Variants in SPOP observed in about 807,000 individuals in gnomAD.
SPOP encodes speckle type BTB/POZ protein.
A neutral mutation model predicts 45.6 loss-of-function variants in SPOP; 11 were observed. The observed-to-expected ratio is 0.24, with a 90% CI of 0.15 to 0.40. The LOEUF is 0.40. Ranked by LOEUF, SPOP falls within the 10% of genes least tolerant of loss-of-function variation. The probability of loss-of-function intolerance (pLI) is 1.00; values close to 1 mark genes in which losing one functional copy is unlikely to be tolerated. For missense variants in SPOP, 152 were observed against 465.6 expected (o/e 0.33, Z 6.20); for synonymous variants, 166 against 166.3 (o/e 1.00, Z 0.01).
At chr17:49,613,130 C>T (rs1414010955) in intron 5 of SPOP, among the ~76,000 whole-genome samples, 1 of 152,124 alleles carries the variant, frequency 6.6e-6, no homozygotes, top group African/African-American at 2.4e-5. Flanking sequence ...ACAAACCATC[C>T]CATAGAGATT....
chr17:49,604,937 G>A lies in SPOP; in HGVS notation c.837+2313C>T, dbSNP rs192881278. On this transcript the variant is annotated intron_variant, in intron 8 of 9. Coordinates refer to ENST00000504102, the MANE Select transcript of SPOP (RefSeq NM_001007228.2). Reference sequence around the variant, plus strand: ...AGAAATGCTGTCTATCATAATTCCTGTTAGAAAATTCACAGTAACATTAAT... The same window carrying A: ...AGAAATGCTGTCTATCATAATTCCTATTAGAAAATTCACAGTAACATTAAT... Among the ~76,000 whole-genome samples the A allele has an allele frequency of 1.5e-4, 23 of 152,330 alleles. No homozygotes were observed. The East Asian group carries it at 3.5e-3, about 23-fold the overall frequency.
chr17:49,674,735 A>G (rs772284822), intron 1 of SPOP, among the ~76,000 whole-genome samples: 1 of 152,250 alleles, frequency 6.6e-6, no homozygotes, highest in Non-Finnish European at 1.5e-5. Flanking sequence ...AGGTTTACAG[A>G]ATACTAACAG....
chr17:49,618,828 C>G (rs536542820), intron 5 of SPOP, among the ~76,000 whole-genome samples, 153 bp downstream of exon 5: 1 of 152,282 alleles, frequency 6.6e-6, no homozygotes, highest in Admixed American at 6.5e-5. Flanking sequence ...TTGAAATCAT[C>G]AGGTAGCTCA....
At chr17:49,667,018 A>C (rs1490704502) in intron 1 of SPOP, among the ~76,000 whole-genome samples, 1 of 151,738 alleles carries the variant, frequency 6.6e-6, no homozygotes, top group Non-Finnish European at 1.5e-5. Context: ...ATCCTAGTAA[A>C]AACACAAAAA....
chr17:49,622,112 C>T (rs199530675), intron 2 of SPOP, 45 bp from the exon 3 acceptor site: 178 of 1,601,544 alleles, frequency 1.1e-4, no homozygotes, highest in Middle Eastern at 6.7e-4. Flanking sequence ...AAGTGGACAA[C>T]CTGAAAAAAC....
At chr17:49,610,089 T>C (rs1597910349) in intron 6 of SPOP, among the ~76,000 whole-genome samples, 1 of 151,416 alleles carries the variant, frequency 6.6e-6, no homozygotes, top group Non-Finnish European at 1.5e-5. Context: ...AGTTAAAGAG[T>C]GGTTAAGGTT....
In SPOP at chr17:49,678,076, G is replaced by A. The variant is rs1390955610; in HGVS notation, c.-210C>T. On this transcript the variant is annotated 5_prime_UTR_variant, in exon 1 of 10. Transcript: ENST00000504102. ...ACACTCACACACACACATACACACCGACACACACCAGCCGGGGCGTCATGG... is the reference window on the plus strand; with the variant it reads ...ACACTCACACACACACATACACACCAACACACACCAGCCGGGGCGTCATGG... 3 of 398,092 alleles carry A rather than the reference G, an allele frequency of 7.5e-6. No homozygotes were observed. Among genetic ancestry groups the A allele is most frequent in the Non-Finnish European group, 1.3e-5 (3 of 225,962 alleles). 24.7% of individuals were successfully genotyped at this position (398,092 alleles called of 1,614,324 possible). A position where few individuals can be genotyped will look rare whatever the true frequency, so the allele number is the denominator to read the frequency against.
Position 49,619,467 on chromosome 17 carries a change from G to A in SPOP, c.201-82C>T. On this transcript the variant is annotated intron_variant, in intron 3 of 9. Coordinates refer to ENST00000504102, the MANE Select transcript of SPOP (RefSeq NM_001007228.2). The surrounding 1 kb of genome is among the most constrained non-coding windows in gnomAD (Gnocchi z 4.9). ...GAAATCAGACTCAAGAGAGGGAGATGTTTAAAAAACAAATGCAGGCCCCAT... is the reference window on the plus strand; with the variant it reads ...GAAATCAGACTCAAGAGAGGGAGATATTTAAAAAACAAATGCAGGCCCCAT... 6.9e-7 allele frequency: 1 copy of A among 1,456,910 alleles called. No homozygotes were observed. The highest frequency in any genetic ancestry group is 9.2e-7 in the Non-Finnish European group (1 of 1,090,572). 90.2% of individuals were successfully genotyped at this position (1,456,910 alleles called of 1,614,324 possible).
At chr17:49,618,705 C>A in intron 5 of SPOP, 1 of 488,442 alleles carries the variant, frequency 2.0e-6, no homozygotes. Context: ...AAAAATCCCA[C>A]AGTGAAAACT....
At chr17:49,601,559 C>G in intron 9 of SPOP, 1 of 229,892 alleles carries the variant, frequency 4.3e-6, no homozygotes, top group South Asian at 8.4e-5. Context: ...ATCTACATGT[C>G]TTTTATTAAG....
At position 49,622,728 on chromosome 17, in the gene SPOP, C is replaced by A. The variant is rs200663825; in HGVS notation, c.78+5G>T. The A allele has an allele frequency of 1.6e-5, 26 of 1,613,828 alleles. No individual in the cohort carries two copies. The South Asian group carries it at 2.9e-4, about 18-fold the overall frequency. On this transcript the variant is annotated splice_donor_5th_base_variant and intron_variant, in intron 2 of 9. Coordinates refer to ENST00000504102, the MANE Select transcript of SPOP (RefSeq NM_001007228.2). ...AAGATTCACAGGCTGAAAACTTCAA[C>A]TTACCTGTGTGTAGCACCAACTCTC...
intron 1 of SPOP, among the ~76,000 whole-genome samples, chr17:49,647,734 G>A (rs1000339044): frequency 6.6e-6 from 1 of 152,154 alleles, no homozygotes; most frequent in Non-Finnish European, 1.5e-5. Context: ...GCCCACCTTG[G>A]CCTCCCAAAG....
intron 5 of SPOP, among the ~76,000 whole-genome samples, chr17:49,617,633 C>A (rs2072115686): frequency 6.6e-6 from 1 of 152,112 alleles, no homozygotes; most frequent in Non-Finnish European, 1.5e-5. Context: ...TGTTGCAATA[C>A]AGAAGGCTGG....
At chr17:49,626,891 G>A (rs1337814138) in intron 1 of SPOP, among the ~76,000 whole-genome samples, 4 of 151,678 alleles carry the variant, frequency 2.6e-5, no homozygotes, top group South Asian at 2.1e-4. Flanking sequence ...TTTCTCTGTC[G>A]CCCAGGCTGG....
Position 49,622,879 on chromosome 17 carries a change from G to C in SPOP, c.-66-3C>G. 1 of 1,267,054 alleles carries C rather than the reference G, an allele frequency of 7.9e-7. No individual in the cohort carries two copies. The highest frequency in any genetic ancestry group is 1.2e-6 in the Non-Finnish European group (1 of 864,720). 78.5% of individuals were successfully genotyped at this position (1,267,054 alleles called of 1,614,324 possible). ...AAGATTTCTGTTCCCTCTTCACCCTGGTCAGATCCAAGAAGCAAGAAAACT... is the reference window on the plus strand; with the variant it reads ...AAGATTTCTGTTCCCTCTTCACCCTCGTCAGATCCAAGAAGCAAGAAAACT... On this transcript the variant is annotated splice_polypyrimidine_tract_variant and splice_region_variant and intron_variant, in intron 1 of 9. Transcript: ENST00000504102.
rs2071721868 is a variant in SPOP at position 49,600,601 on chromosome 17, T to G, written c.981-79A>C. The G allele has an allele frequency of 6.6e-7, 1 of 1,522,032 alleles. No individual in the cohort carries two copies. The highest frequency in any genetic ancestry group is 9.1e-7 in the Non-Finnish European group (1 of 1,104,280). 94.3% of individuals were successfully genotyped at this position (1,522,032 alleles called of 1,614,324 possible). A position where few individuals can be genotyped will look rare whatever the true frequency, so the allele number is the denominator to read the frequency against. ...TCAACAGCCACCTAGATAGCCTAATTTTCCACTGTTAGGTATAAAGGGTGT... is the reference window on the plus strand; with the variant it reads ...TCAACAGCCACCTAGATAGCCTAATGTTCCACTGTTAGGTATAAAGGGTGT... On this transcript the variant is annotated intron_variant, in intron 9 of 9. Transcript: ENST00000504102. This position sits in a 1 kb window ranked among gnomAD's most constrained non-coding sequence, Gnocchi z 4.2.
Position 49,678,089 on chromosome 17 carries a change from CG to C in SPOP, c.-224del, listed in dbSNP as rs1381097604. The C allele has an allele frequency of 1.3e-4, 52 of 398,038 alleles. No individual in the cohort carries two copies. The highest frequency in any genetic ancestry group is 1.3e-4 in the Admixed American group (3 of 22,664). The allele number at this position is 398,038 out of a possible 1,614,324, so 24.7% of individuals were successfully genotyped here. A position where few individuals can be genotyped will look rare whatever the true frequency, so the allele number is the denominator to read the frequency against. ...CACATACACACCGACACACACCAGC[CG>C]GGGCGTCATGGCGTCAGCACGTCGA... On this transcript the variant is annotated 5_prime_UTR_variant, in exon 1 of 10. Coordinates refer to ENST00000504102, the MANE Select transcript of SPOP (RefSeq NM_001007228.2).
chr17:49,630,543 T>C (rs1392683516), intron 1 of SPOP, among the ~76,000 whole-genome samples: 3 of 152,204 alleles, frequency 2.0e-5, no homozygotes, highest in East Asian at 1.9e-4. Flanking sequence ...GGTTCTCTTA[T>C]GTCTTTTATC....
At chr17:49,662,251 A>G (rs899532548) in intron 1 of SPOP, among the ~76,000 whole-genome samples, 1 of 152,230 alleles carries the variant, frequency 6.6e-6, no homozygotes, top group Non-Finnish European at 1.5e-5. Context: ...AGTGCTTGAA[A>G]AAAATGTTAA....
Sources: gnomAD v4.1 joint callset for allele counts (sites outside exome capture counted in the v4.1 genomes callset) on GRCh38, gnomAD v4.1.1 for gene constraint, Gnocchi (gnomAD v3.1) non-coding constraint, MANE v1.5 for transcripts, NCBI Gene and HGNC (gene_info 2026-07-23, HGNC 2026-07-21) for gene names.